IL1RAPL1: variants seen among roughly 807,000 people sequenced by gnomAD.
The protein encoded by IL1RAPL1 is interleukin-1 receptor accessory protein-like 1.
IL1RAPL1 carries 3 observed loss-of-function variants against 48.4 expected under a neutral mutation model. That is an observed-to-expected ratio of 0.06 (90% CI 0.03 to 0.16). IL1RAPL1 has a LOEUF of 0.16. Ranked by LOEUF, IL1RAPL1 falls within the 10% of genes least tolerant of loss-of-function variation. The pLI, the probability that IL1RAPL1 is intolerant of heterozygous loss-of-function variation, is 1.00. For missense variants in IL1RAPL1, 349 were observed against 530.6 expected (o/e 0.66, Z 3.36); for synonymous variants, 185 against 187.7 (o/e 0.99, Z 0.12).
At chrX:29,007,523 A>T in intron 2 of IL1RAPL1, among the ~76,000 whole-genome samples, 1 of 112,214 alleles carries the variant, frequency 8.9e-6, no homozygotes, top group East Asian at 2.8e-4. Context: ...CCAAAAAAGT[A>T]AAAATAAAGC....
chrX:29,641,287 T>G (rs1318427779), intron 5 of IL1RAPL1, among the ~76,000 whole-genome samples: 1 of 113,175 alleles, frequency 8.8e-6, no homozygotes, highest in Non-Finnish European at 1.9e-5. Context: ...TGTCTCATAC[T>G]TGTTTGCTTA....
chrX:29,266,474 TC>T (rs1323410692), intron 2 of IL1RAPL1, among the ~76,000 whole-genome samples: 1 of 111,169 alleles, frequency 9.0e-6, no homozygotes, highest in Non-Finnish European at 1.9e-5. Flanking sequence ...CAAGCCCCCC[TC>T]CCAACAGTAG....
intron 2 of IL1RAPL1, among the ~76,000 whole-genome samples, chrX:28,855,173 C>T (rs957197468): frequency 1.8e-5 from 2 of 111,122 alleles, no homozygotes; most frequent in South Asian, 3.8e-4. Context: ...GTGTGCACCA[C>T]CATGCCTGGC....
At chrX:29,394,735 A>G (rs180758749) in intron 3 of IL1RAPL1, among the ~76,000 whole-genome samples, 155 of 111,611 alleles carry the variant, frequency 1.4e-3, no homozygotes, top group African/African-American at 4.4e-3. Flanking sequence ...AAATTCCTGA[A>G]CACACACGCT....
intron 2 of IL1RAPL1, among the ~76,000 whole-genome samples, chrX:28,833,269 G>A (rs1921117303): frequency 9.0e-6 from 1 of 111,691 alleles, no homozygotes; most frequent in South Asian, 3.8e-4. Flanking sequence ...ATTGTGAATA[G>A]TGCTGTGAAG....
chrX:29,608,574 C>A (rs1398083889), intron 5 of IL1RAPL1, among the ~76,000 whole-genome samples: 2 of 111,216 alleles, frequency 1.8e-5, no homozygotes, highest in Non-Finnish European at 3.8e-5. Context: ...TGCCTGTAAT[C>A]CCAGCATTTT....
intron 5 of IL1RAPL1, among the ~76,000 whole-genome samples, chrX:29,578,154 G>A (rs1482814221): frequency 8.9e-6 from 1 of 111,933 alleles, no homozygotes; most frequent in African/African-American, 3.2e-5. Context: ...ATTGGAAATG[G>A]TTGACCCTTT....
At chrX:29,567,671 A>C (rs1922454946) in intron 5 of IL1RAPL1, among the ~76,000 whole-genome samples, 1 of 111,864 alleles carries the variant, frequency 8.9e-6, no homozygotes, top group Admixed American at 9.5e-5. Context: ...GTCAGTATGC[A>C]GTAATTGGAA....
At chrX:29,140,991 ATAAC>A (rs745883126) in intron 2 of IL1RAPL1, among the ~76,000 whole-genome samples, 1 of 111,151 alleles carries the variant, frequency 9.0e-6, no homozygotes, top group Admixed American at 9.6e-5. Context: ...AATAGTAATA[ATAAC>A]TATCTGTCTT....
At chrX:28,636,985 A>G (rs977214775) in intron 1 of IL1RAPL1, among the ~76,000 whole-genome samples, 3 of 111,678 alleles carry the variant, frequency 2.7e-5, no homozygotes, top group African/African-American at 9.8e-5. Context: ...CAAACTCAAC[A>G]GTGGCATAAG....
intron 2 of IL1RAPL1, among the ~76,000 whole-genome samples, chrX:29,258,418 A>T (rs1467710385): frequency 9.0e-6 from 1 of 111,196 alleles, no homozygotes; most frequent in Non-Finnish European, 1.9e-5. Flanking sequence ...CCTCTGTGTG[A>T]TGTTTTAGTT....
chrX:29,256,442 C>T (rs1602138645), intron 2 of IL1RAPL1, among the ~76,000 whole-genome samples: 1 of 111,255 alleles, frequency 9.0e-6, no homozygotes, highest in South Asian at 3.7e-4. Flanking sequence ...AGCTTCCTAG[C>T]AGGGAATATA....
intron 6 of IL1RAPL1, among the ~76,000 whole-genome samples, chrX:29,831,484 C>T (rs1035466568): frequency 1.8e-5 from 2 of 111,600 alleles, no homozygotes; most frequent in Non-Finnish European, 3.8e-5. Context: ...GAAAATCTCT[C>T]GCAGTTTAAT....
At chrX:29,527,010 C>G (rs1376193336) in intron 5 of IL1RAPL1, among the ~76,000 whole-genome samples, 1 of 111,746 alleles carries the variant, frequency 8.9e-6, no homozygotes, top group Non-Finnish European at 1.9e-5. Flanking sequence ...GCATGTACTA[C>G]AAAGCCTCAA....
At chrX:29,393,369 C>A (rs914036224) in intron 3 of IL1RAPL1, among the ~76,000 whole-genome samples, 1 of 112,038 alleles carries the variant, frequency 8.9e-6, no homozygotes, top group African/African-American at 3.2e-5. Context: ...GATCCGCCCG[C>A]CTCGGCCTCC....
chrX:28,861,924 C>A lies in IL1RAPL1; in HGVS notation c.82+72499C>A, dbSNP rs192480182. Among the ~76,000 whole-genome samples the A allele has an allele frequency of 1.7e-3, 190 of 110,473 alleles. 1 individual carries two copies. The highest frequency in any genetic ancestry group is 0.015 in the East Asian group (52 of 3,510). On this transcript the variant is annotated intron_variant, in intron 2 of 10. Transcript: ENST00000378993. ...AATAATATACTTAGAGGACATTTTT[C>A]TAAATGCAAGTTGCTAGAAATGACT... is the stretch of plus-strand genomic sequence containing the variant.
chrX:28,616,845 A>G (rs1934225804), intron 1 of IL1RAPL1, among the ~76,000 whole-genome samples: 1 of 112,667 alleles, frequency 8.9e-6, no homozygotes, highest in African/African-American at 3.2e-5. Flanking sequence ...AAATTAAACA[A>G]TTGCAGCAAA....
chrX:29,435,046 G>T (rs1466782647), intron 5 of IL1RAPL1, among the ~76,000 whole-genome samples: 1 of 110,985 alleles, frequency 9.0e-6, no homozygotes, highest in Non-Finnish European at 1.9e-5. Flanking sequence ...CATGTAAACA[G>T]AATTATACAA....
At chrX:29,362,549 A>G (rs1933391359) in intron 3 of IL1RAPL1, among the ~76,000 whole-genome samples, 1 of 111,577 alleles carries the variant, frequency 9.0e-6, no homozygotes, top group Non-Finnish European at 1.9e-5. Flanking sequence ...AATTCCTGCA[A>G]TGATCTACTT....
Sources: gnomAD v4.1 joint callset for allele counts (sites outside exome capture counted in the v4.1 genomes callset) on GRCh38, gnomAD v4.1.1 for gene constraint, MANE v1.5 for transcripts, NCBI Gene and HGNC (gene_info 2026-07-23, HGNC 2026-07-21) for gene names.